The following MYO7B variants were observed in gnomAD, a reference collection of about 807,000 sequenced individuals.
MYO7B encodes the protein myosin VIIB.
Under a neutral mutation model 259.7 loss-of-function variants are expected in MYO7B, and 212 were observed. The ratio of observed to expected loss-of-function variants is 0.82; its 90% CI spans 0.73 to 0.91. The LOEUF (loss-of-function observed/expected upper bound fraction) is 0.91, where lower values mean the gene tolerates loss of function less well. Among genes scored for constraint, MYO7B ranks in the 40% least tolerant of loss-of-function variants. MYO7B has a pLI of 0.00. For missense variants in MYO7B, 2,732 were observed against 2,813.5 expected (o/e 0.97, Z 0.66); for synonymous variants, 1,197 against 1,166.4 (o/e 1.03, Z -0.54).
intron 22 of MYO7B, 72 bp downstream of exon 22, chr2:127,608,950 T>C: frequency 6.5e-7 from 1 of 1,527,224 alleles, no homozygotes; most frequent in Middle Eastern, 1.8e-4. Flanking sequence ...GTGAACTCAG[T>C]CCACCTCTCG....
Position 127,607,537 on chromosome 2 carries a change from TC to T in MYO7B, c.2643+119del, listed in dbSNP as rs998253559. The T allele has an allele frequency of 8.3e-6, 7 of 845,960 alleles. No homozygotes were observed. Among genetic ancestry groups the T allele is most frequent in the Non-Finnish European group, 1.3e-5 (7 of 559,184 alleles). The allele number at this position is 845,960 out of a possible 1,614,324, so 52.4% of individuals were successfully genotyped here. ...AGCTCACCAGAAGCGCTTTGGAAAA[TC>T]CCCCCGCCCCCGCCACAAGCCAAGA... is the stretch of plus-strand genomic sequence containing the variant. On this transcript the variant is annotated intron_variant, in intron 21 of 47. Coordinates refer to ENST00000409816, the MANE Select transcript of MYO7B (RefSeq NM_001393586.1). This position sits in a 1 kb window ranked among gnomAD's most constrained non-coding sequence, Gnocchi z 4.4.
chr2:127,544,993 G>A (rs1260089620), intron 1 of MYO7B, among the ~76,000 whole-genome samples: 4 of 152,162 alleles, frequency 2.6e-5, no homozygotes, highest in Admixed American at 2.6e-4. Context: ...CCAAAGTGCT[G>A]GGATTACAGG....
intron 11 of MYO7B, 23 bp from the exon 12 acceptor site, chr2:127,582,281 C>G (rs531715217): frequency 1.9e-5 from 30 of 1,611,122 alleles, no homozygotes; most frequent in African/African-American, 2.7e-5. Flanking sequence ...GCCCAGGATT[C>G]TCCCACCCCC....
chr2:127,631,579 TG>T lies in MYO7B; in HGVS notation c.5096-20del. ...TGTCAGCGTGGGGCTGCCCCAGCAC[TG>T]TGCTCCTTGACAGCCACACCCATCC... is the stretch of plus-strand genomic sequence containing the variant. On this transcript the variant is annotated intron_variant, in intron 37 of 47. Transcript: ENST00000409816. 1 of 1,612,028 alleles carries T rather than the reference TG, an allele frequency of 6.2e-7. No homozygotes were observed.
intron 19 of MYO7B, among the ~76,000 whole-genome samples, chr2:127,604,407 T>C (rs890742635): frequency 1.3e-5 from 2 of 152,240 alleles, no homozygotes; most frequent in African/African-American, 2.4e-5. Flanking sequence ...TAAGGAAATG[T>C]TGTGGCTGGT....
rs553367069 is a variant in MYO7B at position 127,597,937 on chromosome 2, C to T, written c.2339+1381C>T. ...GCAGGTGTGAGCCACTGCGCCCAGC[C>T]AGTATTTTGTTACTTTTTATTGCTC... On this transcript the variant is annotated intron_variant, in intron 19 of 47. Transcript: ENST00000409816. The surrounding 1 kb of genome is among the most constrained non-coding windows in gnomAD (Gnocchi z 4.8). Among the ~76,000 whole-genome samples the T allele has an allele frequency of 4.2e-4, 64 of 152,204 alleles. No individual in the cohort carries two copies. The highest frequency in any genetic ancestry group is 1.7e-3 in the South Asian group (8 of 4,814).
At chr2:127,566,517 C>T in intron 4 of MYO7B, 126 bp from the exon 5 acceptor site, 1 of 864,322 alleles carries the variant, frequency 1.2e-6, no homozygotes, top group Non-Finnish European at 1.7e-6. Flanking sequence ...TCAGATTCTA[C>T]TTCCCCACCA....
Position 127,566,729 on chromosome 2 carries a change from C to A in MYO7B, c.372C>A (p.Ser124Arg). 1 of 1,612,670 alleles carries A rather than the reference C, an allele frequency of 6.2e-7. No homozygotes were observed. The highest frequency in any genetic ancestry group is 8.5e-7 in the Non-Finnish European group (1 of 1,179,764). ...YTLEQVQLYY[S>R]RHMGELPPHV... ...TGGAGCAGGTACAGCTCTACTACAG[C>A]CGCCATATGGGCGAGCTGCCCCCGC... Residue 124 changes from serine to arginine, a missense_variant, in exon 5 of 48, where the codon AGC becomes AGA. Ser to Arg is a moderately radical substitution (Grantham distance 110). This residue lies in a region of MYO7B where 1,906 missense variants were observed against 2,026.4 expected (regional missense o/e 0.94). Coordinates refer to ENST00000409816, the MANE Select transcript of MYO7B (RefSeq NM_001393586.1).
rs527656933 is a variant in MYO7B at position 127,566,383 on chromosome 2, C to T, written c.286-260C>T. 1.1e-4 allele frequency among the ~76,000 whole-genome samples: 17 copies of T among 152,344 alleles called. No homozygotes were observed. In the South Asian group the frequency reaches 1.7e-3, roughly 15 times the overall value. The stretch of plus-strand genomic sequence containing the variant: ...CCCCTTCTAAATACCAGGCAGGGTA[C>T]AAAACAGTTAACATTTGATCTTCCT... On this transcript the variant is annotated intron_variant, in intron 4 of 47. Transcript: ENST00000409816.
Position 127,584,146 on chromosome 2 carries a change from C to T in MYO7B, c.1368C>T (p.Phe456=), listed in dbSNP as rs775535625. The T allele has an allele frequency of 1.2e-5, 20 of 1,613,484 alleles. No individual in the cohort carries two copies. Among genetic ancestry groups the T allele is most frequent in the Admixed American group, 1.7e-5 (1 of 59,936 alleles). Residue 456 remains phenylalanine (F), a synonymous_variant, in exon 13 of 48, where the codon TTC becomes TTT. Transcript: ENST00000409816. The surrounding 1 kb of genome is among the most constrained non-coding windows in gnomAD (Gnocchi z 5.8). ...GCTTCGAGCAGCTCTGCATCAACTT[C>T]GCCAACGAGCACCTGCAGCAGTTCT... is the stretch of plus-strand genomic sequence containing the variant. ...NNSFEQLCIN[F]ANEHLQQFFV...
chr2:127,607,503 T>TGGGTGAGGGCAAGAAGGA lies in MYO7B; in HGVS notation c.2643+80_2643+81insGGTGAGGGCAAGAAGGAG. On this transcript the variant is annotated intron_variant, in intron 21 of 47. Transcript: ENST00000409816. This position sits in a 1 kb window ranked among gnomAD's most constrained non-coding sequence, Gnocchi z 4.4. ...GTGAGGGCAAGAAGGAGTGAGCGGC[T>TGGGTGAGGGCAAGAAGGA]GTGTAGAGAGCTCACCAGAAGCGCT... The TGGGTGAGGGCAAGAAGGA allele has an allele frequency of 7.8e-7, 1 of 1,284,308 alleles. No individual in the cohort carries two copies. The highest frequency in any genetic ancestry group is 1.4e-5 in the South Asian group (1 of 71,466). 79.6% of individuals were successfully genotyped at this position (1,284,308 alleles called of 1,614,324 possible).
rs1680510778 is a variant in MYO7B at position 127,614,862 on chromosome 2, G to A, written c.3398+2259G>A. On this transcript the variant is annotated intron_variant, in intron 26 of 47. Transcript: ENST00000409816. This position sits in a 1 kb window ranked among gnomAD's most constrained non-coding sequence, Gnocchi z 4.6. ...ACCTTTTAGTAAATCCTACAAGAAT[G>A]TGTCTCTTTAGAACGTCGGATATGA... 6.6e-6 allele frequency among the ~76,000 whole-genome samples: 1 copy of A among 152,212 alleles called. No homozygotes were observed. Among genetic ancestry groups the A allele is most frequent in the African/African-American group, 2.4e-5 (1 of 41,458 alleles).
chr2:127,628,122 C>T lies in MYO7B; in HGVS notation c.4461-250C>T. The T allele has an allele frequency of 1.5e-6, 1 of 653,544 alleles. No homozygotes were observed. The highest frequency in any genetic ancestry group is 2.1e-5 in the Admixed American group (1 of 48,374). 40.5% of individuals were successfully genotyped at this position (653,544 alleles called of 1,614,324 possible). A position where few individuals can be genotyped will look rare whatever the true frequency, so the allele number is the denominator to read the frequency against. Reference sequence around the variant, plus strand: ...CTGCGGTGTCACTGCACACCAGCCACCTCATTATCTGCCCACAGCCAACCC... The same window carrying T: ...CTGCGGTGTCACTGCACACCAGCCATCTCATTATCTGCCCACAGCCAACCC... On this transcript the variant is annotated intron_variant, in intron 33 of 47. Coordinates refer to ENST00000409816, the MANE Select transcript of MYO7B (RefSeq NM_001393586.1). The surrounding 1 kb of genome is among the most constrained non-coding windows in gnomAD (Gnocchi z 4.8).
Position 127,607,089 on chromosome 2 carries a change from T to C in MYO7B, c.2425-117T>C, listed in dbSNP as rs1680180759. On this transcript the variant is annotated intron_variant, in intron 20 of 47. Transcript: ENST00000409816. This position sits in a 1 kb window ranked among gnomAD's most constrained non-coding sequence, Gnocchi z 4.4. The stretch of plus-strand genomic sequence containing the variant: ...TGTGTACCATTCTAGCACCGGCCCT[T>C]TGCCAAAACAAAACTAACTGTAAAT... 3.0e-6 allele frequency: 3 copies of C among 987,698 alleles called. No homozygotes were observed. Among genetic ancestry groups the C allele is most frequent in the Admixed American group, 2.7e-5 (1 of 36,414 alleles). The allele number at this position is 987,698 out of a possible 1,614,324, so 61.2% of individuals were successfully genotyped here. A position where few individuals can be genotyped will look rare whatever the true frequency, so the allele number is the denominator to read the frequency against.
Position 127,597,200 on chromosome 2 carries a change from C to G in MYO7B, c.2339+644C>G, listed in dbSNP as rs1679804715. Among the ~76,000 whole-genome samples, 1 of 152,250 alleles carries G rather than the reference C, an allele frequency of 6.6e-6. No homozygotes were observed. The highest frequency in any genetic ancestry group is 1.5e-5 in the Non-Finnish European group (1 of 68,048). ...GGCCAGACCCTGGTGCTGCTGATCT[C>G]AGGACAACAGGCCGCATCTGACCAA... On this transcript the variant is annotated intron_variant, in intron 19 of 47. Transcript: ENST00000409816. The surrounding 1 kb of genome is among the most constrained non-coding windows in gnomAD (Gnocchi z 4.8).
intron 19 of MYO7B, among the ~76,000 whole-genome samples, chr2:127,604,096 G>A (rs1680070889): frequency 6.6e-6 from 1 of 152,206 alleles, no homozygotes; most frequent in Admixed American, 6.5e-5. Flanking sequence ...TCACGCCACT[G>A]CACTCCAGCC....
Position 127,636,737 on chromosome 2 carries a change from C to T in MYO7B, c.6208-57C>T, listed in dbSNP as rs1681843016. On this transcript the variant is annotated intron_variant, in intron 46 of 47. Coordinates refer to ENST00000409816, the MANE Select transcript of MYO7B (RefSeq NM_001393586.1). The surrounding 1 kb of genome is among the most constrained non-coding windows in gnomAD (Gnocchi z 4.5). The stretch of plus-strand genomic sequence containing the variant: ...GTCCTGCCTCTCTCCTGTCCCCTAA[C>T]ACACACAGAGCCCGTGCTCTGGAGG... 1.9e-6 allele frequency: 3 copies of T among 1,611,950 alleles called. No homozygotes were observed.
intron 26 of MYO7B, among the ~76,000 whole-genome samples, chr2:127,619,765 C>T (rs1278457476): frequency 6.6e-6 from 1 of 152,034 alleles, no homozygotes; most frequent in Non-Finnish European, 1.5e-5. Flanking sequence ...TAATGGGCCA[C>T]TTTTATAACA....
chr2:127,637,179 C>T (rs1391625777), intron 47 of MYO7B, 137 bp from the exon 48 acceptor site: 1 of 897,422 alleles, frequency 1.1e-6, no homozygotes, highest in African/African-American at 1.6e-5. Flanking sequence ...AATGACGGCC[C>T]CAATGGCAGG....
Sources: gnomAD v4.1 joint callset for allele counts (sites outside exome capture counted in the v4.1 genomes callset) on GRCh38, gnomAD v4.1.1 for gene constraint, gnomAD v4.1.1 regional missense constraint, Gnocchi (gnomAD v3.1) non-coding constraint, MANE v1.5 for transcripts, NCBI Gene and HGNC (gene_info 2026-07-23, HGNC 2026-07-21) for gene names.